DLG5: variants seen among roughly 807,000 people sequenced by gnomAD.
DLG5 encodes disks large homolog 5.
Under a neutral mutation model 189.8 loss-of-function variants are expected in DLG5, and 48 were observed. That is an observed-to-expected ratio of 0.25 (90% confidence interval 0.20 to 0.32). The LOEUF is 0.32. Ranked by LOEUF, DLG5 falls within the 10% of genes least tolerant of loss-of-function variation. The probability of loss-of-function intolerance (pLI) is 1.00; values close to 1 mark genes in which losing one functional copy is unlikely to be tolerated. For missense variants in DLG5, 2,160 were observed against 2,544.7 expected (o/e 0.85, Z 3.25); for synonymous variants, 1,016 against 1,054.1 (o/e 0.96, Z 0.70).
At chr10:77,847,321 G>A (rs1279785625) in intron 5 of DLG5, among the ~76,000 whole-genome samples, 1 of 152,092 alleles carries the variant, frequency 6.6e-6, no homozygotes, top group African/African-American at 2.4e-5. Flanking sequence ...CTTGGGATAG[G>A]GTCGTGCTCA....
At chr10:77,832,016 T>C (rs1191470413) in intron 9 of DLG5, among the ~76,000 whole-genome samples, 1 of 152,192 alleles carries the variant, frequency 6.6e-6, no homozygotes, top group Non-Finnish European at 1.5e-5. Flanking sequence ...AAGACCAGCC[T>C]GGCCAACATG....
chr10:77,866,903 A>G (rs754133204), intron 2 of DLG5: 8 of 443,328 alleles, frequency 1.8e-5, no homozygotes, highest in South Asian at 1.1e-4. Context: ...AAGAGAAGCA[A>G]AACTCGGTTC....
chr10:77,863,551 C>A (rs1844555706), intron 2 of DLG5, among the ~76,000 whole-genome samples: 1 of 152,170 alleles, frequency 6.6e-6, no homozygotes, highest in Non-Finnish European at 1.5e-5. Flanking sequence ...CAGAAACTAA[C>A]ATAAAGCTGG....
intron 5 of DLG5, among the ~76,000 whole-genome samples, chr10:77,849,753 G>A (rs994673819): frequency 1.3e-5 from 2 of 152,236 alleles, no homozygotes; most frequent in African/African-American, 4.8e-5. Flanking sequence ...GGGGTGGGAG[G>A]GAGACCTCAG....
In DLG5 at chr10:77,835,965, C is replaced by T. The variant is rs1409258025; in HGVS notation, c.1438-43G>A. 4.4e-6 allele frequency: 7 copies of T among 1,581,226 alleles called. No individual in the cohort carries two copies. The South Asian group carries it at 8.0e-5, about 18-fold the overall frequency. ...CAGGAAGAGGGAGAGGTTGCTGAGCCTCATGGACCAGGAGCGCCTCCCACC... is the reference window on the plus strand; with the variant it reads ...CAGGAAGAGGGAGAGGTTGCTGAGCTTCATGGACCAGGAGCGCCTCCCACC... On this transcript the variant is annotated intron_variant, in intron 7 of 31. Coordinates refer to ENST00000372391, the MANE Select transcript of DLG5 (RefSeq NM_004747.4).
chr10:77,817,124 C>T (rs1842099192), intron 18 of DLG5, 28 bp from the exon 19 acceptor site: 2 of 1,605,064 alleles, frequency 1.2e-6, no homozygotes, highest in Admixed American at 3.3e-5. Flanking sequence ...AACAAAACTT[C>T]AGGCCTCATG....
At chr10:77,809,526 G>A (rs1218842597) in intron 24 of DLG5, 21 bp downstream of exon 24, 1 of 1,602,394 alleles carries the variant, frequency 6.2e-7, no homozygotes, top group African/African-American at 1.3e-5. Context: ...GGCCTGGCCT[G>A]CTCAGCAGCT....
chr10:77,814,421 T>A (rs1048344546), intron 20 of DLG5, among the ~76,000 whole-genome samples: 1 of 137,192 alleles, frequency 7.3e-6, no homozygotes, highest in African/African-American at 2.7e-5. Context: ...AACATAATAT[T>A]AAGGGAGATT....
intron 1 of DLG5, among the ~76,000 whole-genome samples, chr10:77,919,831 A>G (rs1170678947): frequency 6.6e-6 from 1 of 152,108 alleles, no homozygotes; most frequent in Non-Finnish European, 1.5e-5. Context: ...GGGCGGTGAT[A>G]TCCCTGTGTA....
chr10:77,811,835 G>A, intron 22 of DLG5, 89 bp downstream of exon 22: 3 of 1,463,372 alleles, frequency 2.1e-6, no homozygotes, highest in Admixed American at 2.3e-5. Context: ...CTTACGGCTG[G>A]CACCCTGGGT....
intron 3 of DLG5, among the ~76,000 whole-genome samples, chr10:77,854,814 C>T (rs1049846939): frequency 6.6e-6 from 1 of 151,698 alleles, no homozygotes; most frequent in Non-Finnish European, 1.5e-5. Context: ...GGTGAAACCC[C>T]GCCTCCACAA....
At chr10:77,831,558 G>A (rs926151704) in intron 9 of DLG5, among the ~76,000 whole-genome samples, 2 of 152,154 alleles carry the variant, frequency 1.3e-5, no homozygotes, top group Non-Finnish European at 2.9e-5. Flanking sequence ...CCCAATTTAA[G>A]ACTTAGTATA....
intron 20 of DLG5, among the ~76,000 whole-genome samples, chr10:77,813,182 C>T (rs879273886): frequency 2.6e-5 from 4 of 152,238 alleles, no homozygotes; most frequent in South Asian, 2.1e-4. Context: ...TGGGACTTCA[C>T]GCCACTCAGG....
intron 2 of DLG5, among the ~76,000 whole-genome samples, chr10:77,865,544 C>A (rs941158434): frequency 3.9e-5 from 6 of 152,162 alleles, no homozygotes; most frequent in African/African-American, 1.4e-4. Flanking sequence ...ATAAGTGCTG[C>A]CCAAGAATGT....
intron 15 of DLG5, chr10:77,820,848 T>C (rs896563984): frequency 2.5e-4 from 134 of 530,446 alleles, no homozygotes; most frequent in African/African-American, 7.6e-5. Flanking sequence ...GCAAACCAAA[T>C]GCTATGCCCA....
At chr10:77,876,373 CTTT>C (rs60644218) in intron 1 of DLG5, among the ~76,000 whole-genome samples, 32,708 of 134,430 alleles carry the variant, frequency 0.24, 4,210 homozygotes, top group Admixed American at 0.37. Context: ...CCCCATCTCT[CTTT>C]TTTTTTTTTT....
At chr10:77,883,049 AT>A (rs1845331033) in intron 1 of DLG5, among the ~76,000 whole-genome samples, 1 of 152,078 alleles carries the variant, frequency 6.6e-6, no homozygotes, top group Non-Finnish European at 1.5e-5. Context: ...TTTCATTACT[AT>A]GGGTGAAAGC....
chr10:77,807,593 C>A (rs1841540886), intron 25 of DLG5, among the ~76,000 whole-genome samples: 1 of 152,322 alleles, frequency 6.6e-6, no homozygotes, highest in African/African-American at 2.4e-5. Context: ...GGGGGCCCAG[C>A]TGGTTCTTTA....
upstream of DLG5, among the ~76,000 whole-genome samples, chr10:77,931,665 C>G (rs748194791): frequency 6.6e-6 from 1 of 152,108 alleles, no homozygotes; most frequent in Non-Finnish European, 1.5e-5. Flanking sequence ...TGGGCTTCAT[C>G]CACTGGGGAC....
Sources: allele counts gnomAD v4.1 joint callset (sites outside exome capture counted in the v4.1 genomes callset), GRCh38; gene constraint gnomAD v4.1.1; transcripts MANE v1.5; gene names NCBI Gene and HGNC (gene_info 2026-07-23, HGNC 2026-07-21).